The following IZUMO2 variants were observed in gnomAD, a reference collection of about 807,000 sequenced individuals.
IZUMO2 encodes the protein izumo sperm-egg fusion protein 2.
A neutral mutation model predicts 31.2 loss-of-function variants in IZUMO2; 24 were observed. That is an observed-to-expected ratio of 0.77 (90% confidence interval 0.56 to 1.08). The LOEUF (loss-of-function observed/expected upper bound fraction) is 1.08. Among genes scored for constraint, IZUMO2 ranks in the 50% least tolerant of loss-of-function variants. The pLI is 0.00. For synonymous variants in IZUMO2, 144 were observed against 117.3 expected, an observed-to-expected ratio of 1.23 and a Z score of -1.47; for missense variants, 278 against 274.0, an observed-to-expected ratio of 1.01 and a Z score of -0.10.
At chr19:50,162,047 C>A (rs2030417499) in intron 2 of IZUMO2, among the ~76,000 whole-genome samples, 1 of 152,188 alleles carries the variant, frequency 6.6e-6, no homozygotes, top group Non-Finnish European at 1.5e-5. Context: ...CTTTGGGAGG[C>A]CTAGGCGGGC....
rs368754929 is a variant in IZUMO2 at position 50,163,008 on chromosome 19, G to T, written c.187C>A (p.Pro63Thr). 7 of 1,610,608 alleles carry T rather than the reference G, an allele frequency of 4.3e-6. No homozygotes were observed. Among genetic ancestry groups the T allele is most frequent in the South Asian group, 1.1e-5 (1 of 90,944 alleles). The change falls in exon 1 of 7, where the codon CCT becomes ACT. Residue 63 changes from proline to threonine, a missense_variant. Physicochemically the swap from Pro to Thr is conservative, Grantham distance 38. Coordinates refer to ENST00000293405, the MANE Select transcript of IZUMO2 (RefSeq NM_152358.3). ...AGAVLMGMEG[P>T]FFRDYALNVF... ...TTCAGCGCGTAGTCCCGGAAGAAAG[G>T]CCCCTCCATGCCCATCAGCACGGCC...
At chr19:50,159,810 C>T (rs2030335780) in intron 2 of IZUMO2, among the ~76,000 whole-genome samples, 1 of 152,134 alleles carries the variant, frequency 6.6e-6, no homozygotes, top group Admixed American at 6.6e-5. Context: ...GCCTCACTTT[C>T]CTCATCTGGC....
At chr19:50,162,603 G>C in intron 2 of IZUMO2, 136 bp downstream of exon 2, 1 of 704,456 alleles carries the variant, frequency 1.4e-6, no homozygotes, top group Non-Finnish European at 2.4e-6. Context: ...CGACAGTGAG[G>C]CTCTGTCTCT....
At chr19:50,159,347 G>T in intron 3 of IZUMO2, 97 bp from the exon 4 acceptor site, 1 of 1,386,948 alleles carries the variant, frequency 7.2e-7, no homozygotes, top group Non-Finnish European at 1.0e-6. Flanking sequence ...GTGAGGCTGG[G>T]AAAGGAGAGA....
Position 50,152,698 on chromosome 19 carries a change from T to G in IZUMO2, c.624-47A>C, listed in dbSNP as rs1483539153. 5 of 1,519,986 alleles carry G rather than the reference T, an allele frequency of 3.3e-6. No individual in the cohort carries two copies. The South Asian group carries it at 5.6e-5, about 17-fold the overall frequency. 94.2% of individuals were successfully genotyped at this position (1,519,986 alleles called of 1,614,324 possible). ...GTAGATTAGAATGAGAATTTCAAGCTTTTCCAGATCAAGAGACCCATAACT... is the reference window on the plus strand; with the variant it reads ...GTAGATTAGAATGAGAATTTCAAGCGTTTCCAGATCAAGAGACCCATAACT... On this transcript the variant is annotated intron_variant, in intron 6 of 6. Transcript: ENST00000293405.
chr19:50,159,719 C>T (rs2030333643), intron 2 of IZUMO2, 139 bp from the exon 3 acceptor site: 1 of 619,636 alleles, frequency 1.6e-6, no homozygotes, highest in Admixed American at 2.9e-5. Context: ...CTAAGGGTCC[C>T]CCAGGCAAAT....
chr19:50,162,752 A>C lies in IZUMO2; in HGVS notation c.294T>G (p.Gly98=). The C allele has an allele frequency of 6.2e-7, 1 of 1,613,756 alleles. No individual in the cohort carries two copies. Among genetic ancestry groups the C allele is most frequent in the Non-Finnish European group, 8.5e-7 (1 of 1,179,760 alleles). Residue 98 remains glycine (G), a synonymous_variant, in exon 2 of 7, where the codon GGT becomes GGG. Transcript: ENST00000293405. ...FVKNQTQHLM[G]NSLKDEPLLE... ...CGTCTCTCCTACCTTTCAGAGAGTT[A>C]CCCATTAAGTGCTGCGTTTGGTTCT... is the stretch of plus-strand genomic sequence containing the variant.
Position 50,163,235 on chromosome 19 carries a change from C to G in IZUMO2, c.-41G>C, listed in dbSNP as rs1242138333. Reference sequence around the variant, plus strand: ...ACGTCACAGAGAGAACCCGGCCCGCCCCGCCTCCCAGGCGAGGGCGCGGTC... The same window carrying G: ...ACGTCACAGAGAGAACCCGGCCCGCGCCGCCTCCCAGGCGAGGGCGCGGTC... On this transcript the variant is annotated 5_prime_UTR_variant, in exon 1 of 7. Transcript: ENST00000293405. 6.7e-7 allele frequency: 1 copy of G among 1,492,346 alleles called. No individual in the cohort carries two copies. Among genetic ancestry groups the G allele is most frequent in the East Asian group, 2.5e-5 (1 of 40,616 alleles). The allele number at this position is 1,492,346 out of a possible 1,614,324, so 92.4% of individuals were successfully genotyped here. A position where few individuals can be genotyped will look rare whatever the true frequency, so the allele number is the denominator to read the frequency against.
rs1457797621 is a variant in IZUMO2, at chr19:50,163,105, C to T, written c.90G>A (p.Glu30=). The T allele has an allele frequency of 6.2e-7, 1 of 1,610,424 alleles. No individual in the cohort carries two copies. Among genetic ancestry groups the T allele is most frequent in the Non-Finnish European group, 8.5e-7 (1 of 1,178,638 alleles). The part of the protein sequence containing the change: ...GCLQCDPLVL[E]ALGHLRSALI... ...GGGCGGAGCGCAGGTGACCCAGGGC[C>T]TCCAGCACCAAGGGGTCGCACTGCA... The change falls in exon 1 of 7, where the codon GAG becomes GAA. Residue 30 remains glutamate (E), a synonymous_variant. Coordinates refer to ENST00000293405, the MANE Select transcript of IZUMO2 (RefSeq NM_152358.3).
intron 4 of IZUMO2, 65 bp from the exon 5 acceptor site, chr19:50,158,413 G>A (rs2030288735): frequency 1.8e-6 from 2 of 1,101,214 alleles, no homozygotes; most frequent in Non-Finnish European, 2.7e-6. Flanking sequence ...AGGGTGGAAA[G>A]GAAGAAGGAG....
intron 3 of IZUMO2, 54 bp downstream of exon 3, chr19:50,159,440 A>G: frequency 7.3e-7 from 1 of 1,369,396 alleles, no homozygotes; most frequent in Non-Finnish European, 1.0e-6. Flanking sequence ...GTAAAAGGGG[A>G]TCAAGAGGTC....
intron 5 of IZUMO2, among the ~76,000 whole-genome samples, chr19:50,157,599 C>T (rs1011236708): frequency 1.4e-5 from 2 of 146,716 alleles, no homozygotes; most frequent in Non-Finnish European, 3.0e-5. Context: ...ACTGCATGTT[C>T]GGTCTCGTTG....
chr19:50,154,571 G>T, intron 6 of IZUMO2, 29 bp downstream of exon 6: 1 of 1,612,882 alleles, frequency 6.2e-7, no homozygotes, highest in South Asian at 1.1e-5. Context: ...GTTCCACGGG[G>T]GACTGAGGAG....
At chr19:50,157,669 T>G (rs1243772219) in intron 5 of IZUMO2, among the ~76,000 whole-genome samples, 1 of 19,056 alleles carries the variant, frequency 5.2e-5, no homozygotes, top group Non-Finnish European at 9.3e-5. Flanking sequence ...CTCACGCCTG[T>G]AATCCCAGCA....
Position 50,152,563 on chromosome 19 carries a change from TTTTATTAAA to T in IZUMO2, c.*37_*45del, listed in dbSNP as rs1191994162. The stretch of plus-strand genomic sequence containing the variant: ...GAGACATTGATGGATTTGTCACCAA[TTTTATTAAA>T]TTTATTTTCCTTTCTCCTTACCCCC... On this transcript the variant is annotated 3_prime_UTR_variant, in exon 7 of 7. Transcript: ENST00000293405. 6.5e-7 allele frequency: 1 copy of T among 1,545,584 alleles called. No homozygotes were observed. The highest frequency in any genetic ancestry group is 8.9e-7 in the Non-Finnish European group (1 of 1,118,152).
chr19:50,159,813 C>T (rs2030336041), intron 2 of IZUMO2, among the ~76,000 whole-genome samples: 1 of 152,120 alleles, frequency 6.6e-6, no homozygotes, highest in South Asian at 2.1e-4. Context: ...TCACTTTCCT[C>T]ATCTGGCAAG....
At position 50,154,176 on chromosome 19, in the gene IZUMO2, T is replaced by C. The variant is rs564379209; in HGVS notation, c.623+424A>G. 1.3e-4 allele frequency among the ~76,000 whole-genome samples: 20 copies of C among 150,722 alleles called. No homozygotes were observed. The South Asian group carries it at 4.0e-3, about 30-fold the overall frequency. ...AGAAGATAAATGAATATAACAACAG[T>C]AATTATGATGATGCATAGAACATAA... On this transcript the variant is annotated intron_variant, in intron 6 of 6. Coordinates refer to ENST00000293405, the MANE Select transcript of IZUMO2 (RefSeq NM_152358.3).
intron 6 of IZUMO2, among the ~76,000 whole-genome samples, chr19:50,153,108 T>G (rs984057218): frequency 1.3e-5 from 2 of 152,066 alleles, no homozygotes; most frequent in African/African-American, 2.4e-5. Context: ...GGGCCCTACA[T>G]CTAAAGACAG....
chr19:50,162,798 T>TC lies in IZUMO2; in HGVS notation c.247dup (p.Asp83GlyfsTer17). The TC allele has an allele frequency of 6.2e-7, 1 of 1,613,618 alleles. No homozygotes were observed. The highest frequency in any genetic ancestry group is 8.5e-7 in the Non-Finnish European group (1 of 1,179,906). ...GTTCTTGACAAAGGACGCCACAAGG[T>TC]CCAGTTGATTTGTCTCTGGGGGGAG... On this transcript the variant is annotated frameshift_variant, in exon 2 of 7. Coordinates refer to ENST00000293405, the MANE Select transcript of IZUMO2 (RefSeq NM_152358.3). LOFTEE classifies it high-confidence loss of function.
Sources: gnomAD v4.1 joint callset for allele counts (sites outside exome capture counted in the v4.1 genomes callset) on GRCh38, gnomAD v4.1.1 for gene constraint, MANE v1.5 for transcripts, NCBI Gene and HGNC (gene_info 2026-07-23, HGNC 2026-07-21) for gene names.